WWTR1: variants seen among roughly 807,000 people sequenced by gnomAD.
WWTR1 encodes the protein WW domain containing transcription regulator 1.
In WWTR1, 13 loss-of-function variants were observed where a neutral mutation model predicts 40.1. The ratio of observed to expected loss-of-function variants is 0.32; its 90% CI spans 0.21 to 0.52. The LOEUF (loss-of-function observed/expected upper bound fraction) is 0.52. Among genes scored for constraint, WWTR1 ranks in the 20% least tolerant of loss-of-function variants. The probability of loss-of-function intolerance (pLI) is 0.97; values close to 1 mark genes in which losing one functional copy is unlikely to be tolerated. For missense variants in WWTR1, 436 were observed against 523.1 expected, an observed-to-expected ratio of 0.83 and a Z score of 1.63; for synonymous variants, 230 against 210.1, an observed-to-expected ratio of 1.09 and a Z score of -0.82.
At chr3:149,632,203 T>A (rs1225466769) in intron 2 of WWTR1, among the ~76,000 whole-genome samples, 1 of 152,182 alleles carries the variant, frequency 6.6e-6, no homozygotes, top group East Asian at 1.9e-4. Flanking sequence ...GTGAGAGTAC[T>A]TTTTAAAAAA....
At chr3:149,601,732 AATATT>A (rs1739252207) in intron 2 of WWTR1, among the ~76,000 whole-genome samples, 1 of 152,132 alleles carries the variant, frequency 6.6e-6, no homozygotes, top group Non-Finnish European at 1.5e-5. Context: ...TACTTTTTAA[AATATT>A]ATATAATTCT....
At chr3:149,572,082 C>A (rs1234087078) in intron 3 of WWTR1, among the ~76,000 whole-genome samples, 1 of 152,068 alleles carries the variant, frequency 6.6e-6, no homozygotes, top group Non-Finnish European at 1.5e-5. Flanking sequence ...GGAGAAGCCA[C>A]CTGCAGGTTA....
At chr3:149,642,222 A>T (rs1246225960) in intron 2 of WWTR1, among the ~76,000 whole-genome samples, 2 of 150,498 alleles carry the variant, frequency 1.3e-5, no homozygotes, top group Non-Finnish European at 3.0e-5. Context: ...GGAGTTCAAG[A>T]CCAGCCTGAT....
chr3:149,618,081 G>A (rs1740077528), intron 2 of WWTR1, among the ~76,000 whole-genome samples: 1 of 152,158 alleles, frequency 6.6e-6, no homozygotes, highest in South Asian at 2.1e-4. Flanking sequence ...TAACTTTTAA[G>A]GGTTACTTTT....
chr3:149,560,962 C>T lies in WWTR1; in HGVS notation c.568+11902G>A, dbSNP rs1007089861. 8.6e-5 allele frequency among the ~76,000 whole-genome samples: 13 copies of T among 151,836 alleles called. 1 individual carries two copies. The highest frequency in any genetic ancestry group is 5.9e-4 in the Admixed American group (9 of 15,252). On this transcript the variant is annotated intron_variant, in intron 3 of 6. Coordinates refer to ENST00000360632, the MANE Select transcript of WWTR1 (RefSeq NM_015472.6). The stretch of plus-strand genomic sequence containing the variant: ...TTTTTTAAAAGAAAGTAACACCCCC[C>T]CCCGCAAAAAATCCCCTGCTCCAGG...
intron 2 of WWTR1, among the ~76,000 whole-genome samples, chr3:149,667,268 C>T (rs565788227): frequency 6.6e-6 from 1 of 151,976 alleles, no homozygotes; most frequent in Non-Finnish European, 1.5e-5. Flanking sequence ...CTAATGGGGC[C>T]GGGCGCAGTG....
chr3:149,617,698 GCT>G (rs1740052596), intron 2 of WWTR1, among the ~76,000 whole-genome samples: 1 of 152,198 alleles, frequency 6.6e-6, no homozygotes, highest in Non-Finnish European at 1.5e-5. Context: ...TACTTGGGAG[GCT>G]GAGGCAGGAG....
Position 149,667,547 on chromosome 3 carries a change from CA to C in WWTR1, c.-4+2240del, listed in dbSNP as rs10611956. ...TGGGCGACAGAGCAAGACTCCATCT[CA>C]AAAAAAAAAAAAAAAATTATGAAAA... On this transcript the variant is annotated intron_variant, in intron 2 of 7. Coordinates refer to the WWTR1 transcript ENST00000465804. 5.0e-3 allele frequency among the ~76,000 whole-genome samples: 681 copies of C among 137,476 alleles called. 4 individuals are homozygous for C. Among genetic ancestry groups the C allele is most frequent in the Middle Eastern group, 0.011 (3 of 270 alleles). 90.2% of individuals were successfully genotyped at this position (137,476 alleles called of 152,430 possible).
In WWTR1 at chr3:149,564,531, A is replaced by G. The variant is rs374059418; in HGVS notation, c.568+8333T>C. On this transcript the variant is annotated intron_variant, in intron 3 of 6. Transcript: ENST00000360632. ...CTTTTGGCTATTACAAAAGTAATAT[A>G]ACCGCATTACAGAGAAAATAGAGGG... is the stretch of plus-strand genomic sequence containing the variant. Among the ~76,000 whole-genome samples, 13 of 151,518 alleles carry G rather than the reference A, an allele frequency of 8.6e-5. No homozygotes were observed. The South Asian group carries it at 1.0e-3, about 12-fold the overall frequency.
chr3:149,561,141 T>C (rs1737062406), intron 3 of WWTR1, among the ~76,000 whole-genome samples: 1 of 152,032 alleles, frequency 6.6e-6, no homozygotes, highest in Non-Finnish European at 1.5e-5. Flanking sequence ...TGCAAGAAAA[T>C]GTATTGAAAC....
intron 4 of WWTR1, among the ~76,000 whole-genome samples, chr3:149,534,178 GAAAGAA>G (rs1439132480): frequency 1.3e-5 from 2 of 151,868 alleles, no homozygotes; most frequent in Non-Finnish European, 1.5e-5. Context: ...TAAAAAAAAA[GAAAGAA>G]AAAGAAAAGA....
At chr3:149,581,852 G>A (rs1309369636) in intron 2 of WWTR1, among the ~76,000 whole-genome samples, 1 of 152,118 alleles carries the variant, frequency 6.6e-6, no homozygotes, top group Non-Finnish European at 1.5e-5. Flanking sequence ...CCTTCCCACT[G>A]AGCACCACCG....
At chr3:149,707,987 G>T (rs567114857), upstream of WWTR1, among the ~76,000 whole-genome samples, 1 of 151,528 alleles carries the variant, frequency 6.6e-6, no homozygotes, top group East Asian at 2.0e-4. Flanking sequence ...TCCTCTGCCT[G>T]ATTCCTTTGT....
chr3:149,684,562 T>C (rs201001484), intron 1 of WWTR1, among the ~76,000 whole-genome samples: 1 of 74,522 alleles, frequency 1.3e-5, no homozygotes, highest in East Asian at 3.2e-4. Flanking sequence ...CTCATTATTC[T>C]TTTTTTTTTT....
intron 2 of WWTR1, among the ~76,000 whole-genome samples, chr3:149,619,485 T>C (rs1740165211): frequency 6.6e-6 from 1 of 152,108 alleles, no homozygotes; most frequent in Admixed American, 6.6e-5. Context: ...TAGCCAGGCA[T>C]AGTGGCATGC....
In WWTR1 at chr3:149,699,042, T is replaced by C. The variant is rs142937285; in HGVS notation, c.-108+4082A>G. Among the ~76,000 whole-genome samples, 12 of 152,364 alleles carry C rather than the reference T, an allele frequency of 7.9e-5. No individual in the cohort carries two copies. In the East Asian group the frequency reaches 2.3e-3, roughly 29 times the overall value. On this transcript the variant is annotated intron_variant, in intron 1 of 7. Coordinates refer to the WWTR1 transcript ENST00000465804. The stretch of plus-strand genomic sequence containing the variant: ...TGGCTCCCATTTAGTCATGCTAATC[T>C]CTCTAGCAAGTGGTTATTCTGCAGC...
intron 2 of WWTR1, among the ~76,000 whole-genome samples, chr3:149,611,279 G>T (rs116585290): frequency 1.3e-4 from 20 of 152,156 alleles, no homozygotes; most frequent in African/African-American, 4.3e-4. Flanking sequence ...CCCATGCCAG[G>T]GGTCAGCTAA....
At chr3:149,690,233 A>G (rs776606158) in intron 1 of WWTR1, among the ~76,000 whole-genome samples, 83 of 152,266 alleles carry the variant, frequency 5.5e-4, no homozygotes, top group Non-Finnish European at 9.6e-4. Context: ...ATAAAACCAA[A>G]AAACAACAAA....
At chr3:149,548,727 C>T (rs1198964761) in intron 3 of WWTR1, among the ~76,000 whole-genome samples, 1 of 152,214 alleles carries the variant, frequency 6.6e-6, no homozygotes, top group African/African-American at 2.4e-5. Context: ...AGAAGAATAT[C>T]TTCGGCTAGT....
Sources: allele counts gnomAD v4.1 joint callset (sites outside exome capture counted in the v4.1 genomes callset), GRCh38; gene constraint gnomAD v4.1.1; transcripts MANE v1.5; gene names NCBI Gene and HGNC (gene_info 2026-07-23, HGNC 2026-07-21).